Variants in DAAM1 observed in about 807,000 individuals in gnomAD.
The protein encoded by DAAM1 is disheveled-associated activator of morphogenesis 1.
A neutral mutation model predicts 130.0 loss-of-function variants in DAAM1; 52 were observed. That is an observed-to-expected ratio of 0.40 (90% CI 0.32 to 0.50). The LOEUF (loss-of-function observed/expected upper bound fraction) is 0.50, where lower values mean the gene tolerates loss of function less well. Among genes scored for constraint, DAAM1 ranks in the 20% least tolerant of loss-of-function variants. DAAM1 has a pLI of 0.61. For synonymous variants in DAAM1, 452 were observed against 444.5 expected, an observed-to-expected ratio of 1.02 and a Z score of -0.21; for missense variants, 1,134 against 1,303.8, an observed-to-expected ratio of 0.87 and a Z score of 2.01.
chr14:59,212,782 A>G (rs1431171051), intron 1 of DAAM1, among the ~76,000 whole-genome samples: 2 of 152,186 alleles, frequency 1.3e-5, no homozygotes, highest in East Asian at 1.9e-4. Context: ...ATCAATTTAC[A>G]TCATTTATTT....
chr14:59,199,124 G>C (rs955406478), intron 1 of DAAM1, among the ~76,000 whole-genome samples: 2 of 152,126 alleles, frequency 1.3e-5, no homozygotes, highest in Admixed American at 1.3e-4. Context: ...CTGAGATCCT[G>C]TTCTTGGCTG....
At chr14:59,354,344 G>A (rs1302272734) in intron 19 of DAAM1, among the ~76,000 whole-genome samples, 1 of 152,220 alleles carries the variant, frequency 6.6e-6, no homozygotes, top group African/African-American at 2.4e-5. Flanking sequence ...ACAGGCGTGA[G>A]CCACTGCGCC....
At chr14:59,271,157 T>A (rs906555422) in intron 2 of DAAM1, among the ~76,000 whole-genome samples, 2 of 152,212 alleles carry the variant, frequency 1.3e-5, no homozygotes, top group Admixed American at 6.5e-5. Context: ...GTTCTTAGAC[T>A]TCCATTTATT....
chr14:59,251,525 G>A lies in DAAM1; in HGVS notation c.-37-11916G>A, dbSNP rs547273840. On this transcript the variant is annotated intron_variant, in intron 1 of 24. Coordinates refer to ENST00000360909, the MANE Select transcript of DAAM1 (RefSeq NM_001270520.2). ...AAAGTTCTCAACATGAAGGGAGGTC[G>A]GGCAAGTTCTGAGTCAAGGCGTTAT... is the stretch of plus-strand genomic sequence containing the variant. Among the ~76,000 whole-genome samples, 30 of 151,832 alleles carry A rather than the reference G, an allele frequency of 2.0e-4. No homozygotes were observed. The South Asian group carries it at 3.1e-3, about 16-fold the overall frequency.
At chr14:59,310,027 G>A (rs1884519605) in intron 3 of DAAM1, among the ~76,000 whole-genome samples, 1 of 151,862 alleles carries the variant, frequency 6.6e-6, no homozygotes, top group African/African-American at 2.4e-5. Flanking sequence ...TTTAGGTGTA[G>A]AGTGAATTTA....
At chr14:59,342,644 A>G (rs993096898) in intron 16 of DAAM1, among the ~76,000 whole-genome samples, 1 of 152,206 alleles carries the variant, frequency 6.6e-6, no homozygotes, top group African/African-American at 2.4e-5. Flanking sequence ...GGACATACCA[A>G]AAGTTAAGAT....
At chr14:59,357,927 T>C (rs896902214) in intron 20 of DAAM1, among the ~76,000 whole-genome samples, 2 of 152,224 alleles carry the variant, frequency 1.3e-5, no homozygotes, top group Admixed American at 6.5e-5. Context: ...AAGGATTGCA[T>C]TGTTTCTATG....
At position 59,264,633 on chromosome 14, in the gene DAAM1, GTTC is replaced by G. The variant is rs555948208; in HGVS notation, c.183+979_183+981del. The stretch of plus-strand genomic sequence containing the variant: ...CCACTGGCATTTTGTAATGGAATTA[GTTC>G]TTCTTTTTTTTTTTTCTTCAACTTT... On this transcript the variant is annotated intron_variant, in intron 2 of 24. Coordinates refer to ENST00000360909, the MANE Select transcript of DAAM1 (RefSeq NM_001270520.2). 641 of 152,010 alleles carry G rather than the reference GTTC, an allele frequency of 4.2e-3. 3 individuals are homozygous for G. The highest frequency in any genetic ancestry group is 0.014 in the African/African-American group (573 of 41,476). The allele number at this position is 152,010 out of a possible 1,614,324, so 9.4% of individuals were successfully genotyped here. A position where few individuals can be genotyped will look rare whatever the true frequency, so the allele number is the denominator to read the frequency against.
At chr14:59,297,828 G>A (rs887304493) in intron 3 of DAAM1, among the ~76,000 whole-genome samples, 17 of 152,090 alleles carry the variant, frequency 1.1e-4, no homozygotes, top group Admixed American at 8.5e-4. Flanking sequence ...TGTATGTATG[G>A]AAAAACAGCG....
chr14:59,248,306 A>ATGTTT (rs6145363), intron 1 of DAAM1, among the ~76,000 whole-genome samples: 3,078 of 150,332 alleles, frequency 0.02, 62 homozygotes, highest in Non-Finnish European at 0.026. Flanking sequence ...CTGTGGAATG[A>ATGTTT]TGTTTTGTTT....
Position 59,366,062 on chromosome 14 carries a change from A to T in DAAM1, c.2827-1367A>T, listed in dbSNP as rs1886904706. On this transcript the variant is annotated intron_variant, in intron 23 of 24. Transcript: ENST00000360909. Reference sequence around the variant, plus strand: ...CATATATTTTTATTTAACTTTAAAAATTTCTTGGTATTTTGCATTTTGGCC... The same window carrying T: ...CATATATTTTTATTTAACTTTAAAATTTTCTTGGTATTTTGCATTTTGGCC... Among the ~76,000 whole-genome samples, 3 of 150,758 alleles carry T rather than the reference A, an allele frequency of 2.0e-5. No individual in the cohort carries two copies. The South Asian group carries it at 6.2e-4, about 31-fold the overall frequency.
intron 1 of DAAM1, among the ~76,000 whole-genome samples, chr14:59,201,779 G>T (rs540006264): frequency 6.8e-6 from 1 of 147,646 alleles, no homozygotes; most frequent in South Asian, 2.1e-4. Flanking sequence ...GGGCAACAGT[G>T]CGAGATACTG....
At chr14:59,291,434 G>A in intron 3 of DAAM1, 128 bp downstream of exon 3, 1 of 726,542 alleles carries the variant, frequency 1.4e-6, no homozygotes, top group Non-Finnish European at 2.2e-6. Context: ...TTATGTTGTG[G>A]CTGTGGTGCT....
intron 4 of DAAM1, 137 bp downstream of exon 4, chr14:59,315,488 A>C: frequency 1.3e-6 from 1 of 796,510 alleles, no homozygotes; most frequent in Non-Finnish European, 2.0e-6. Flanking sequence ...TAAACATTCA[A>C]TGCTGGGGAA....
chr14:59,291,426 A>T (rs1355509017), intron 3 of DAAM1, 120 bp downstream of exon 3: 3 of 790,246 alleles, frequency 3.8e-6, no homozygotes, highest in Non-Finnish European at 3.9e-6. Flanking sequence ...TGAATGTGTT[A>T]TGTTGTGGCT....
At chr14:59,283,422 T>C in intron 2 of DAAM1, among the ~76,000 whole-genome samples, 1 of 152,212 alleles carries the variant, frequency 6.6e-6, no homozygotes, top group Admixed American at 6.5e-5. Flanking sequence ...AATGGAATTT[T>C]CTGTAAAAAA....
chr14:59,363,817 A>C (rs201396763), intron 23 of DAAM1, 35 bp downstream of exon 23: 3 of 1,610,270 alleles, frequency 1.9e-6, no homozygotes, highest in Non-Finnish European at 2.5e-6. Flanking sequence ...GTGTTGTTTG[A>C]CCGGGCTGGG....
intron 2 of DAAM1, chr14:59,264,874 A>G (rs775626581): frequency 2.6e-5 from 4 of 151,800 alleles, no homozygotes; most frequent in Non-Finnish European, 5.9e-5. Flanking sequence ...CCATGTGTCC[A>G]TGTGTTCTCA....
chr14:59,258,993 A>G (rs1332327253), intron 1 of DAAM1, among the ~76,000 whole-genome samples: 2 of 152,174 alleles, frequency 1.3e-5, no homozygotes, highest in African/African-American at 4.8e-5. Flanking sequence ...TTGTTTACAG[A>G]ACTGTTGGGA....
Sources: allele counts gnomAD v4.1 joint callset (sites outside exome capture counted in the v4.1 genomes callset), GRCh38; gene constraint gnomAD v4.1.1; transcripts MANE v1.5; gene names NCBI Gene and HGNC (gene_info 2026-07-23, HGNC 2026-07-21).